The following KIAA1328 variants were observed in gnomAD, a reference collection of about 807,000 sequenced individuals.
KIAA1328 encodes the protein KIAA1328.
KIAA1328 carries 52 observed loss-of-function variants against 68.1 expected under a neutral mutation model. The ratio of observed to expected loss-of-function variants is 0.76; its 90% confidence interval spans 0.61 to 0.96. The LOEUF (loss-of-function observed/expected upper bound fraction) is 0.96, where lower values mean the gene tolerates loss of function less well. Among genes scored for constraint, KIAA1328 ranks in the 40% least tolerant of loss-of-function variants. The probability of loss-of-function intolerance (pLI) is 0.00; values close to 1 mark genes in which losing one functional copy is unlikely to be tolerated. For synonymous variants in KIAA1328, 232 were observed against 239.4 expected (o/e 0.97, Z 0.28); for missense variants, 641 against 677.6 (o/e 0.95, Z 0.60).
intron 6 of KIAA1328, among the ~76,000 whole-genome samples, chr18:37,028,280 A>AT (rs1039217180): frequency 3.3e-5 from 5 of 151,930 alleles, no homozygotes; most frequent in African/African-American, 4.8e-5. Context: ...AAAATATTTT[A>AT]TTTTTTGTGT....
At position 37,094,548 on chromosome 18, in the gene KIAA1328, G is replaced by A. The variant is rs117206854; in HGVS notation, c.1232+27003G>A. On this transcript the variant is annotated intron_variant, in intron 7 of 9. Coordinates refer to ENST00000280020, the MANE Select transcript of KIAA1328 (RefSeq NM_020776.3). ...TCTACCATCATGAAAACATACACAGGTATAACAGTCACTAATGAAGCAGAT... is the reference window on the plus strand; with the variant it reads ...TCTACCATCATGAAAACATACACAGATATAACAGTCACTAATGAAGCAGAT... 2.6e-5 allele frequency among the ~76,000 whole-genome samples: 4 copies of A among 152,032 alleles called. No homozygotes were observed. In the East Asian group the frequency reaches 5.8e-4, roughly 22 times the overall value.
At chr18:37,214,193 CT>C (rs760479286) in intron 9 of KIAA1328, among the ~76,000 whole-genome samples, 161 of 152,270 alleles carry the variant, frequency 1.1e-3, no homozygotes, top group African/African-American at 3.9e-3. Context: ...GTTGCCATTG[CT>C]TTTGGTGTTT....
chr18:36,948,792 G>A (rs1181518610), intron 5 of KIAA1328, among the ~76,000 whole-genome samples: 2 of 151,196 alleles, frequency 1.3e-5, no homozygotes, highest in Non-Finnish European at 3.0e-5. Context: ...CTGGTGATCC[G>A]CCCGCCTCGG....
intron 7 of KIAA1328, among the ~76,000 whole-genome samples, chr18:37,121,470 C>T (rs1015556460): frequency 1.4e-5 from 2 of 147,230 alleles, no homozygotes; most frequent in Admixed American, 6.9e-5. Flanking sequence ...ATGCATCTAT[C>T]GATCTATCTA....
chr18:36,839,223 C>G (rs574773360), intron 3 of KIAA1328, among the ~76,000 whole-genome samples: 1 of 152,188 alleles, frequency 6.6e-6, no homozygotes, highest in Non-Finnish European at 1.5e-5. Context: ...CCTCTCAGCT[C>G]TCTGATCCTC....
chr18:37,188,867 A>G (rs1206746100), intron 9 of KIAA1328, among the ~76,000 whole-genome samples: 1 of 152,220 alleles, frequency 6.6e-6, no homozygotes, highest in East Asian at 1.9e-4. Flanking sequence ...CTTTTGTATC[A>G]ATGTGAAAAT....
At chr18:36,945,903 C>A (rs1474149231) in intron 5 of KIAA1328, among the ~76,000 whole-genome samples, 2 of 152,116 alleles carry the variant, frequency 1.3e-5, no homozygotes, top group Admixed American at 1.3e-4. Flanking sequence ...TATCCTGTAT[C>A]CAAAATTCTT....
At chr18:37,062,732 G>A (rs2056200511) in intron 6 of KIAA1328, among the ~76,000 whole-genome samples, 2 of 152,150 alleles carry the variant, frequency 1.3e-5, no homozygotes, top group African/African-American at 2.4e-5. Flanking sequence ...TGGGATTACA[G>A]GCGTGAGCCA....
At chr18:36,897,235 C>G (rs142717571) in intron 5 of KIAA1328, among the ~76,000 whole-genome samples, 5 of 152,148 alleles carry the variant, frequency 3.3e-5, no homozygotes, top group African/African-American at 1.2e-4. Context: ...CTTGAACCCT[C>G]AGGCTTATGA....
intron 6 of KIAA1328, among the ~76,000 whole-genome samples, chr18:36,979,575 A>T (rs1482454121): frequency 6.6e-6 from 1 of 152,200 alleles, no homozygotes; most frequent in African/African-American, 2.4e-5. Flanking sequence ...AAGAGATTAT[A>T]GTAATAGGAA....
intron 4 of KIAA1328, among the ~76,000 whole-genome samples, chr18:36,845,648 A>T (rs1311407152): frequency 6.6e-6 from 1 of 151,812 alleles, no homozygotes. Context: ...AGAGAACGTG[A>T]TGGGTAAAAA....
At chr18:37,198,993 A>G (rs1599573232) in intron 9 of KIAA1328, among the ~76,000 whole-genome samples, 2 of 152,350 alleles carry the variant, frequency 1.3e-5, no homozygotes, top group Admixed American at 1.3e-4. Context: ...AACTTACACA[A>G]CTATAATTCA....
At chr18:37,009,915 G>A (rs148339456) in intron 6 of KIAA1328, among the ~76,000 whole-genome samples, 39 of 152,184 alleles carry the variant, frequency 2.6e-4, no homozygotes, top group East Asian at 9.6e-4. Flanking sequence ...TACATAGTTC[G>A]TAATTATCTG....
intron 5 of KIAA1328, among the ~76,000 whole-genome samples, chr18:36,892,597 G>C (rs2048726636): frequency 6.6e-6 from 1 of 152,086 alleles, no homozygotes; most frequent in Admixed American, 6.5e-5. Context: ...AGAAAATGCT[G>C]TTTTACTGAT....
At chr18:36,995,147 C>T (rs111543530) in intron 6 of KIAA1328, among the ~76,000 whole-genome samples, 3,856 of 152,098 alleles carry the variant, frequency 0.025, 65 homozygotes, top group Middle Eastern at 0.078. Flanking sequence ...GTGATGTTCC[C>T]CTCCCTGTGT....
intron 4 of KIAA1328, among the ~76,000 whole-genome samples, chr18:36,862,333 T>G (rs2047591550): frequency 6.6e-6 from 1 of 152,226 alleles, no homozygotes; most frequent in Non-Finnish European, 1.5e-5. Flanking sequence ...CATGCTATCT[T>G]TTTATAGACA....
chr18:36,905,790 A>T (rs764139391), intron 5 of KIAA1328, among the ~76,000 whole-genome samples: 6 of 152,120 alleles, frequency 3.9e-5, no homozygotes, highest in Non-Finnish European at 8.8e-5. Context: ...GCAGATGGAG[A>T]TTGATGACCA....
At chr18:36,887,752 A>C (rs1314329569) in intron 5 of KIAA1328, among the ~76,000 whole-genome samples, 2 of 152,212 alleles carry the variant, frequency 1.3e-5, no homozygotes, top group East Asian at 3.8e-4. Context: ...AAATGAATTC[A>C]GCCCCCAACT....
chr18:37,092,249 A>G (rs931460937), intron 7 of KIAA1328, among the ~76,000 whole-genome samples: 1 of 152,026 alleles, frequency 6.6e-6, no homozygotes, highest in Non-Finnish European at 1.5e-5. Flanking sequence ...AGGCCTAATG[A>G]GAGGTCCACC....
Sources: allele counts gnomAD v4.1 joint callset (sites outside exome capture counted in the v4.1 genomes callset), GRCh38; gene constraint gnomAD v4.1.1; transcripts MANE v1.5; gene names NCBI Gene and HGNC (gene_info 2026-07-23, HGNC 2026-07-21).